The following MAP3K21 variants were observed in gnomAD, a reference collection of about 807,000 sequenced individuals.
MAP3K21 encodes the protein mitogen-activated protein kinase kinase kinase 21, also known as mitogen-activated protein kinase kinase kinase MLK4.
In MAP3K21, 63 loss-of-function variants were observed where a neutral mutation model predicts 86.1. That is an observed-to-expected ratio of 0.73 (90% confidence interval 0.60 to 0.90). The LOEUF (loss-of-function observed/expected upper bound fraction) is 0.90, where lower values mean the gene tolerates loss of function less well. Ranked by LOEUF, MAP3K21 falls within the 40% of genes least tolerant of loss-of-function variation. MAP3K21 has a pLI of 0.00. For synonymous variants in MAP3K21, 558 were observed against 564.8 expected (o/e 0.99, Z 0.17); for missense variants, 1,220 against 1,367.7 (o/e 0.89, Z 1.70).
chr1:233,346,412 G>A (rs781200785), intron 1 of MAP3K21, 30 bp from the exon 2 acceptor site: 4 of 1,538,762 alleles, frequency 2.6e-6, no homozygotes, highest in Non-Finnish European at 2.7e-6. Flanking sequence ...AAAAGAATAT[G>A]CAAATGTCTC....
intron 2 of MAP3K21, among the ~76,000 whole-genome samples, chr1:233,347,534 C>T (rs1663170676): frequency 6.6e-6 from 1 of 152,124 alleles, no homozygotes; most frequent in Non-Finnish European, 1.5e-5. Flanking sequence ...GCACGTACAC[C>T]ATGGAATACT....
Position 233,382,499 on chromosome 1 carries a change from C to T in MAP3K21, c.2899C>T (p.Gln967Ter), listed in dbSNP as rs761367644. The change falls in exon 10 of 10, where the codon CAG becomes TAG. Residue 967 changes from glutamine (Q) to a stop codon, truncating the protein, a stop_gained. Coordinates refer to ENST00000366624, the MANE Select transcript of MAP3K21 (RefSeq NM_032435.3). LOFTEE classifies it low-confidence loss of function (END_TRUNC). ...PQAYPQTAVS[Q>*]LAQTACVVGR... ...GGCTTACCCACAGACAGCAGTGTCT[C>T]AGCTGGCACAGACTGCCTGTGTAGT... 16 of 1,614,170 alleles carry T rather than the reference C, an allele frequency of 9.9e-6. No individual in the cohort carries two copies. Among genetic ancestry groups the T allele is most frequent in the Non-Finnish European group, 1.3e-5 (15 of 1,180,024 alleles).
Position 233,384,432 on chromosome 1 carries a change from C to G in MAP3K21, c.*1721C>G, listed in dbSNP as rs1663968810. On this transcript the variant is annotated 3_prime_UTR_variant, in exon 10 of 10. Coordinates refer to ENST00000366624, the MANE Select transcript of MAP3K21 (RefSeq NM_032435.3). ...ACGTTTTCTTGTTTTATCATCTGTT[C>G]TATGATTCGGCTTCACTTTGTGTGG... 1 of 152,180 alleles carries G rather than the reference C, an allele frequency of 6.6e-6. No individual in the cohort carries two copies. Among genetic ancestry groups the G allele is most frequent in the Non-Finnish European group, 1.5e-5 (1 of 68,022 alleles). The allele number at this position is 152,180 out of a possible 1,614,324, so 9.4% of individuals were successfully genotyped here. A position where few individuals can be genotyped will look rare whatever the true frequency, so the allele number is the denominator to read the frequency against.
In MAP3K21 at chr1:233,382,312, A is replaced by T. The variant is rs1410236849; in HGVS notation, c.2712A>T (p.Ala904=). The change falls in exon 10 of 10, where the codon GCA becomes GCT. Residue 904 remains alanine, a synonymous_variant. Transcript: ENST00000366624. The part of the protein sequence containing the change: ...MSDGNPTPTG[A]TIISATGASA... ...TTTGGCTTTCTCAACCAGCTGGTGC[A>T]ACTATTATCTCAGCCACTGGAGCCT... The T allele has an allele frequency of 1.9e-6, 3 of 1,608,586 alleles. No individual in the cohort carries two copies. Among genetic ancestry groups the T allele is most frequent in the African/African-American group, 1.3e-5 (1 of 74,784 alleles).
chr1:233,332,303 G>A (rs1662820121), intron 1 of MAP3K21, among the ~76,000 whole-genome samples: 1 of 152,154 alleles, frequency 6.6e-6, no homozygotes, highest in Admixed American at 6.5e-5. Flanking sequence ...GGGGTGGAGA[G>A]TGGTAGAGTG....
intron 8 of MAP3K21, among the ~76,000 whole-genome samples, chr1:233,378,030 A>C (rs965316819): frequency 6.6e-6 from 1 of 152,062 alleles, no homozygotes; most frequent in African/African-American, 2.4e-5. Context: ...AAGAAGCTTC[A>C]CTCGCCCACC....
In MAP3K21 at chr1:233,379,151, G is replaced by A. The variant is rs1224560023; in HGVS notation, c.2145G>A (p.Gln715=). 2 of 1,614,104 alleles carry A rather than the reference G, an allele frequency of 1.2e-6. No individual in the cohort carries two copies. The highest frequency in any genetic ancestry group is 2.7e-5 in the African/African-American group (2 of 74,948). Residue 715 remains glutamine (Q), a synonymous_variant, in exon 9 of 10, where the codon CAG becomes CAA. Transcript: ENST00000366624. ...CGAATAGTCTGAGTAGATCCCCCCA[G>A]AGAAAGAAAACGGAGTCAGCTCTGT... ...TPTNSLSRSP[Q]RKKTESALYG...
chr1:233,337,188 C>A (rs952605488), intron 1 of MAP3K21, among the ~76,000 whole-genome samples: 1 of 139,412 alleles, frequency 7.2e-6, no homozygotes, highest in Non-Finnish European at 1.5e-5. Flanking sequence ...CTGTTTGCAA[C>A]TATGTAATTC....
chr1:233,352,492 G>A (rs540789177), intron 2 of MAP3K21, among the ~76,000 whole-genome samples: 3 of 151,720 alleles, frequency 2.0e-5, no homozygotes, highest in Non-Finnish European at 2.9e-5. Context: ...GTGCAGTGGC[G>A]TGATCTCGGC....
At chr1:233,370,120 G>A (rs187261524) in intron 5 of MAP3K21, among the ~76,000 whole-genome samples, 3 of 152,302 alleles carry the variant, frequency 2.0e-5, no homozygotes. Context: ...AGCAGGCTAG[G>A]GATGACATGG....
intron 1 of MAP3K21, among the ~76,000 whole-genome samples, chr1:233,339,398 TCTCCTCCTCCTC>T (rs1296666890): frequency 0.46 from 47,479 of 102,758 alleles, 11,236 homozygotes; most frequent in East Asian, 0.62. Flanking sequence ...TTCTCCTCCT[TCTCCTCCTCCTC>T]CTCCTCCTTC....
chr1:233,328,190 G>C lies in MAP3K21; in HGVS notation c.162G>C (p.Glu54Asp), dbSNP rs189326455. The C allele has an allele frequency of 4.2e-3, 6,234 of 1,482,520 alleles. 143 individuals carry two copies. In the East Asian group the frequency reaches 0.046, roughly 11 times the overall value. 91.8% of individuals were successfully genotyped at this position (1,482,520 alleles called of 1,614,324 possible). Residue 54 changes from glutamate to aspartate, a missense_variant, in exon 1 of 10, where the codon GAG becomes GAC. Around this residue, in one of 5 missense-constraint regions of MAP3K21, gnomAD observed 369 missense variants for 385.3 expected, o/e 0.96. Transcript: ENST00000366624. This position sits in a 1 kb window ranked among gnomAD's most constrained non-coding sequence, Gnocchi z 8.7. Reference protein sequence around the residue: ...AALYDYEARGEDELSLRRGQL... With the variant: ...AALYDYEARGDDELSLRRGQL... ...TCTATGACTACGAGGCTCGCGGCGA[G>C]GACGAGCTGAGCCTGCGGCGCGGCC...
intron 6 of MAP3K21, 111 bp downstream of exon 6, chr1:233,372,271 G>A: frequency 7.9e-7 from 1 of 1,271,802 alleles, no homozygotes; most frequent in Non-Finnish European, 1.1e-6. Context: ...GATGAGTGTA[G>A]GACATTTCGT....
At chr1:233,343,756 G>A (rs946794554) in intron 1 of MAP3K21, among the ~76,000 whole-genome samples, 1 of 152,146 alleles carries the variant, frequency 6.6e-6, no homozygotes, top group African/African-American at 2.4e-5. Flanking sequence ...TGTATGAAGT[G>A]GAGATAATAG....
Position 233,372,106 on chromosome 1 carries a change from A to G in MAP3K21, c.1621A>G (p.Ser541Gly), listed in dbSNP as rs1020937120. The change falls in exon 6 of 10, where the codon AGT becomes GGT. Residue 541 changes from serine (S) to glycine (G), a missense_variant. By Grantham distance (56) the Ser-to-Gly change is moderately conservative. Coordinates refer to ENST00000366624, the MANE Select transcript of MAP3K21 (RefSeq NM_032435.3). The part of the protein sequence containing the change: ...LDKRRSLNSS[S>G]SSPPSSPTMM... ...CAAACGGCGGAGCCTGAACAGCAGCAGTTCCAGTCCCCCGAGCAGCCCCAC... is the reference window on the plus strand; with the variant it reads ...CAAACGGCGGAGCCTGAACAGCAGCGGTTCCAGTCCCCCGAGCAGCCCCAC... 9 of 1,614,060 alleles carry G rather than the reference A, an allele frequency of 5.6e-6. No homozygotes were observed. The Admixed American group carries it at 1.3e-4, about 24-fold the overall frequency.
rs1390932387 is a variant in MAP3K21, at chr1:233,339,268, C to CTTCTTCT, written c.806-7173_806-7172insTCTTCTT. On this transcript the variant is annotated intron_variant, in intron 1 of 9. Transcript: ENST00000366624. ...CTTCTTCTTCTTCTTCTTCTTCTTC[C>CTTCTTCT]TCTTCTTCTTCTTCTTCTTCTTCCT... is the stretch of plus-strand genomic sequence containing the variant. 1.0e-3 allele frequency among the ~76,000 whole-genome samples: 20 copies of CTTCTTCT among 19,868 alleles called. 1 individual carries two copies. Among genetic ancestry groups the CTTCTTCT allele is most frequent in the South Asian group, 2.3e-3 (1 of 434 alleles). 13.0% of individuals were successfully genotyped at this position (19,868 alleles called of 152,430 possible).
At chr1:233,331,587 C>T (rs1005479054) in intron 1 of MAP3K21, among the ~76,000 whole-genome samples, 8 of 152,220 alleles carry the variant, frequency 5.3e-5, no homozygotes, top group South Asian at 4.1e-4. Flanking sequence ...TTAGTGATAA[C>T]GTAAACAAGG....
At position 233,379,127 on chromosome 1, in the gene MAP3K21, G is replaced by A. The variant is rs749518924; in HGVS notation, c.2121G>A (p.Thr707=). 2.5e-6 allele frequency: 4 copies of A among 1,614,092 alleles called. No homozygotes were observed. The highest frequency in any genetic ancestry group is 4.5e-5 in the East Asian group (2 of 44,866). Residue 707 remains threonine (T), a synonymous_variant, in exon 9 of 10, where the codon ACG becomes ACA. Coordinates refer to ENST00000366624, the MANE Select transcript of MAP3K21 (RefSeq NM_032435.3). ...AATVSIEMTP[T]NSLSRSPQRK... Reference sequence around the variant, plus strand: ...CAGTCTCCATTGAGATGACTCCTACGAATAGTCTGAGTAGATCCCCCCAGA... The same window carrying A: ...CAGTCTCCATTGAGATGACTCCTACAAATAGTCTGAGTAGATCCCCCCAGA...
intron 5 of MAP3K21, among the ~76,000 whole-genome samples, chr1:233,370,654 T>A (rs1167931430): frequency 1.3e-5 from 2 of 152,212 alleles, no homozygotes. Context: ...GAAATGAACA[T>A]ATGTCAAAGA....
Sources: gnomAD v4.1 joint callset for allele counts (sites outside exome capture counted in the v4.1 genomes callset) on GRCh38, gnomAD v4.1.1 for gene constraint, gnomAD v4.1.1 regional missense constraint, Gnocchi (gnomAD v3.1) non-coding constraint, MANE v1.5 for transcripts, NCBI Gene and HGNC (gene_info 2026-07-23, HGNC 2026-07-21) for gene names.